The following GALNT10 variants were observed in gnomAD, a reference collection of about 807,000 sequenced individuals.
The protein encoded by GALNT10 is GalNAc transferase 10.
In GALNT10, 41 loss-of-function variants were observed where a neutral mutation model predicts 75.0. The ratio of observed to expected loss-of-function variants is 0.55; its 90% CI spans 0.43 to 0.71. GALNT10 has a LOEUF of 0.71. Ranked by LOEUF, GALNT10 falls within the 30% of genes least tolerant of loss-of-function variation. The pLI is 0.00. For missense variants in GALNT10, 727 were observed against 818.5 expected, an observed-to-expected ratio of 0.89 and a Z score of 1.36; for synonymous variants, 302 against 313.0, an observed-to-expected ratio of 0.96 and a Z score of 0.37.
intron 3 of GALNT10, among the ~76,000 whole-genome samples, chr5:154,323,315 T>C (rs558615149): frequency 1.4e-3 from 208 of 151,820 alleles, no homozygotes; most frequent in Non-Finnish European, 2.6e-3. Context: ...GAAACTGCAG[T>C]GAGCTACGAT....
At chr5:154,415,230 G>T (rs995265944) in intron 10 of GALNT10, among the ~76,000 whole-genome samples, 4 of 152,200 alleles carry the variant, frequency 2.6e-5, no homozygotes, top group Non-Finnish European at 5.9e-5. Flanking sequence ...GGCACTTACT[G>T]AAGTGTTTAT....
At chr5:154,212,747 T>A (rs1039794466) in intron 1 of GALNT10, among the ~76,000 whole-genome samples, 4 of 152,182 alleles carry the variant, frequency 2.6e-5, no homozygotes, top group Non-Finnish European at 4.4e-5. Context: ...GGCGGGCAGA[T>A]CACAAGGTCA....
chr5:154,306,742 C>A (rs55906136), intron 3 of GALNT10, among the ~76,000 whole-genome samples: 61,352 of 151,012 alleles, frequency 0.41, 12,918 homozygotes, highest in Middle Eastern at 0.45. Context: ...ACAACAACAA[C>A]AAAAAAAACT....
intron 1 of GALNT10, among the ~76,000 whole-genome samples, chr5:154,227,594 A>G (rs1753084076): frequency 6.6e-6 from 1 of 152,068 alleles, no homozygotes; most frequent in Non-Finnish European, 1.5e-5. Context: ...TTTTTTTCCC[A>G]GCCTCTGGCT....
intron 3 of GALNT10, among the ~76,000 whole-genome samples, chr5:154,304,509 A>C (rs1231554447): frequency 2.0e-5 from 3 of 152,198 alleles, no homozygotes; most frequent in Non-Finnish European, 4.4e-5. Context: ...TTAGTAAGAA[A>C]AAAATAAGGT....
intron 1 of GALNT10, among the ~76,000 whole-genome samples, chr5:154,284,188 T>C (rs1349270999): frequency 6.6e-6 from 1 of 152,240 alleles, no homozygotes; most frequent in Non-Finnish European, 1.5e-5. Context: ...ATAACCTTTA[T>C]GCTAGGTACT....
intron 1 of GALNT10, among the ~76,000 whole-genome samples, chr5:154,289,696 TAAAAAAGGTA>T (rs1208355633): frequency 1.3e-5 from 2 of 152,230 alleles, no homozygotes; most frequent in Non-Finnish European, 2.9e-5. Context: ...ATGTGTTTTC[TAAAAAAGGTA>T]TCTTCCTGGG....
chr5:154,304,362 TG>T (rs1754400407), intron 3 of GALNT10, among the ~76,000 whole-genome samples: 1 of 151,884 alleles, frequency 6.6e-6, no homozygotes, highest in African/African-American at 2.4e-5. Context: ...AAGAAAAAAA[TG>T]TCAAAGCAGC....
chr5:154,219,832 T>TCACACACACACACA lies in GALNT10; in HGVS notation c.159+28808_159+28809insACACACACACACAC, dbSNP rs775014222. On this transcript the variant is annotated intron_variant, in intron 1 of 11. Coordinates refer to ENST00000297107, the MANE Select transcript of GALNT10 (RefSeq NM_198321.4). The stretch of plus-strand genomic sequence containing the variant: ...CTCGCGCTCTCTCTCTCTCTCTCTC[T>TCACACACACACACA]CTCTCTCACACACACACACACACAC... Among the ~76,000 whole-genome samples the TCACACACACACACA allele has an allele frequency of 7.6e-3, 611 of 80,128 alleles. 1 individual carries two copies. The highest frequency in any genetic ancestry group is 0.035 in the East Asian group (31 of 898). The allele number at this position is 80,128 out of a possible 152,430, so 52.6% of individuals were successfully genotyped here. A position where few individuals can be genotyped will look rare whatever the true frequency, so the allele number is the denominator to read the frequency against.
At chr5:154,296,570 A>G (rs1425965277) in intron 2 of GALNT10, among the ~76,000 whole-genome samples, 3 of 152,190 alleles carry the variant, frequency 2.0e-5, no homozygotes, top group African/African-American at 4.8e-5. Context: ...TCTTGCCTGC[A>G]TTACCTCCTT....
intron 1 of GALNT10, among the ~76,000 whole-genome samples, chr5:154,197,257 G>A (rs906652413): frequency 2.6e-5 from 4 of 152,032 alleles, no homozygotes; most frequent in Admixed American, 6.5e-5. Context: ...CAGACGTCCC[G>A]AGAACTGTCT....
At chr5:154,255,661 A>G (rs573228075) in intron 1 of GALNT10, among the ~76,000 whole-genome samples, 35 of 152,198 alleles carry the variant, frequency 2.3e-4, no homozygotes, top group Admixed American at 1.7e-3. Flanking sequence ...TCCTCCCTCC[A>G]GGTCTAGTAT....
intron 4 of GALNT10, among the ~76,000 whole-genome samples, chr5:154,353,078 C>A (rs1312570251): frequency 2.6e-5 from 4 of 152,174 alleles, no homozygotes; most frequent in Admixed American, 6.5e-5. Flanking sequence ...CCTCGGAGGG[C>A]TGGTTACTTA....
At chr5:154,193,841 C>T (rs1774897094) in intron 1 of GALNT10, among the ~76,000 whole-genome samples, 2 of 152,212 alleles carry the variant, frequency 1.3e-5, no homozygotes, top group South Asian at 4.1e-4. Context: ...CCAGCTCATC[C>T]TGGGAGTACC....
At chr5:154,330,908 G>GGGGTGTGTGTGTGTGTGTGTGT (rs769311099) in intron 4 of GALNT10, among the ~76,000 whole-genome samples, 9 of 125,920 alleles carry the variant, frequency 7.1e-5, no homozygotes, top group African/African-American at 2.1e-4. Context: ...AGACAGAGAG[G>GGGGTGTGTGTGTGTGTGTGTGT]GTGTGTGTGT....
chr5:154,300,410 T>G (rs1000635216), intron 3 of GALNT10, among the ~76,000 whole-genome samples: 3 of 152,212 alleles, frequency 2.0e-5, no homozygotes, highest in Non-Finnish European at 2.9e-5. Context: ...TTTTTTAAAC[T>G]ACAAAGGCCA....
chr5:154,234,533 T>C (rs1753215736), intron 1 of GALNT10, among the ~76,000 whole-genome samples: 1 of 152,222 alleles, frequency 6.6e-6, no homozygotes, highest in Non-Finnish European at 1.5e-5. Context: ...ACATAGTAAC[T>C]CTAATCCTCA....
chr5:154,400,200 T>TGGCGGG (rs1474180071), intron 7 of GALNT10, among the ~76,000 whole-genome samples: 2 of 152,018 alleles, frequency 1.3e-5, no homozygotes, highest in East Asian at 1.9e-4. Flanking sequence ...AGAAAAGCCA[T>TGGCGGG]GGCGGGGGCG....
At position 154,279,304 on chromosome 5, in the gene GALNT10, GT is replaced by G. The variant is rs1199051669; in HGVS notation, c.160-15496del. On this transcript the variant is annotated intron_variant, in intron 1 of 11. Coordinates refer to ENST00000297107, the MANE Select transcript of GALNT10 (RefSeq NM_198321.4). ...TTGTTGTTGTTGTTGTTGTTGTTTTGTTTTTTTTTTTTTTTTGAGATGGAGC... is the reference window on the plus strand; with the variant it reads ...TTGTTGTTGTTGTTGTTGTTGTTTTGTTTTTTTTTTTTTTTGAGATGGAGC... Among the ~76,000 whole-genome samples, 141 of 101,354 alleles carry G rather than the reference GT, an allele frequency of 1.4e-3. 1 individual carries two copies. The highest frequency in any genetic ancestry group is 8.5e-3 in the South Asian group (29 of 3,410). The allele number at this position is 101,354 out of a possible 152,430, so 66.5% of individuals were successfully genotyped here.
Sources: gnomAD v4.1 joint callset for allele counts (sites outside exome capture counted in the v4.1 genomes callset) on GRCh38, gnomAD v4.1.1 for gene constraint, MANE v1.5 for transcripts, NCBI Gene and HGNC (gene_info 2026-07-23, HGNC 2026-07-21) for gene names.